The following HDAC8 variants were observed in gnomAD, a reference collection of about 807,000 sequenced individuals.
The protein encoded by HDAC8 is histone deacetylase-like 1.
HDAC8 carries 1 observed loss-of-function variant against 32.2 expected under a neutral mutation model. That is an observed-to-expected ratio of 0.03 (90% CI 0.01 to 0.15). The LOEUF (loss-of-function observed/expected upper bound fraction) is 0.15, where lower values mean the gene tolerates loss of function less well. Ranked by LOEUF, HDAC8 falls within the 10% of genes least tolerant of loss-of-function variation. HDAC8 has a pLI of 1.00. For synonymous variants in HDAC8, 108 were observed against 113.9 expected (o/e 0.95, Z 0.33); for missense variants, 117 against 300.0 (o/e 0.39, Z 4.51).
chrX:72,336,997 A>C (rs782395286), intron 10 of HDAC8, among the ~76,000 whole-genome samples: 1 of 111,693 alleles, frequency 9.0e-6, no homozygotes, highest in East Asian at 2.8e-4. Context: ...CGATCTGCCC[A>C]CCTTGGCCTC....
intron 9 of HDAC8, among the ~76,000 whole-genome samples, chrX:72,419,104 G>T (rs2046420395): frequency 9.0e-6 from 1 of 111,344 alleles, no homozygotes; most frequent in Non-Finnish European, 1.9e-5. Context: ...TTTGGTTATT[G>T]GGTTTCTTGC....
At chrX:72,438,769 G>A (rs1462434604) in intron 9 of HDAC8, among the ~76,000 whole-genome samples, 1 of 111,360 alleles carries the variant, frequency 9.0e-6, no homozygotes, top group Admixed American at 9.6e-5. Flanking sequence ...AGAGAAAAAA[G>A]ATTGAAAAGG....
chrX:72,441,547 C>G (rs1200922788), intron 9 of HDAC8, among the ~76,000 whole-genome samples: 15 of 111,569 alleles, frequency 1.3e-4, no homozygotes, highest in Non-Finnish European at 1.1e-4. Flanking sequence ...ACATCACCAT[C>G]ATCAAAGACC....
chrX:72,389,735 A>G (rs1272066208), intron 9 of HDAC8, among the ~76,000 whole-genome samples: 2 of 112,218 alleles, frequency 1.8e-5, no homozygotes, highest in Non-Finnish European at 3.8e-5. Context: ...TCTAGGAAGA[A>G]TGACTTCCTA....
At chrX:72,400,743 G>A (rs1233779607) in intron 9 of HDAC8, among the ~76,000 whole-genome samples, 1 of 111,749 alleles carries the variant, frequency 8.9e-6, no homozygotes, top group African/African-American at 3.3e-5. Flanking sequence ...GAATATTTTG[G>A]TTTCCCCTAA....
At chrX:72,545,796 G>A (rs1171914681) in intron 4 of HDAC8, among the ~76,000 whole-genome samples, 2 of 112,265 alleles carry the variant, frequency 1.8e-5, no homozygotes, top group Non-Finnish European at 3.8e-5. Flanking sequence ...ACAGGTGCCA[G>A]CACAGAACAG....
At chrX:72,434,764 TTGAGTGCTTACTA>T (rs1429234413) in intron 9 of HDAC8, among the ~76,000 whole-genome samples, 3 of 111,927 alleles carry the variant, frequency 2.7e-5, no homozygotes, top group Non-Finnish European at 5.6e-5. Context: ...CTAAAATTTA[TTGAGTGCTTACTA>T]TATGTCAGCC....
chrX:72,482,605 G>GTT, intron 7 of HDAC8, among the ~76,000 whole-genome samples: 1 of 110,633 alleles, frequency 9.0e-6, no homozygotes, highest in Non-Finnish European at 1.9e-5. Flanking sequence ...TCTATTTTGG[G>GTT]GGGGGGGATT....
At position 72,519,957 on chromosome X, in the gene HDAC8, TTGTC is replaced by T. The variant is rs1248266823; in HGVS notation, c.438-24693_438-24690del. ...ATATTTTGCCCATTTTTAAATTGGG[TTGTC>T]TGTCTATTATTCAATTGTAACAGTA... On this transcript the variant is annotated intron_variant, in intron 4 of 10. Transcript: ENST00000373573. Among the ~76,000 whole-genome samples, 7 of 112,505 alleles carry T rather than the reference TTGTC, an allele frequency of 6.2e-5. No homozygotes were observed. In the East Asian group the frequency reaches 8.3e-4, roughly 13 times the overall value.
At chrX:72,428,383 C>T (rs1344507054) in intron 9 of HDAC8, among the ~76,000 whole-genome samples, 5 of 112,395 alleles carry the variant, frequency 4.4e-5, no homozygotes, top group Non-Finnish European at 9.4e-5. Flanking sequence ...TGAGCCACCG[C>T]GCCCTGCCGA....
At chrX:72,474,125 AGAGT>A (rs1164595787) in intron 7 of HDAC8, 5 of 748,931 alleles carry the variant, frequency 6.7e-6, no homozygotes, top group Non-Finnish European at 7.9e-6. Context: ...TTGTAAAGAT[AGAGT>A]AATTAGCTAC....
At chrX:72,404,433 T>C (rs2045984824) in intron 9 of HDAC8, among the ~76,000 whole-genome samples, 1 of 111,347 alleles carries the variant, frequency 9.0e-6, no homozygotes, top group African/African-American at 3.3e-5. Context: ...TTAAATTCCA[T>C]GCTTTTTGTC....
At chrX:72,464,468 A>G (rs782508064) in intron 8 of HDAC8, 91 bp downstream of exon 8, 8 of 753,261 alleles carry the variant, frequency 1.1e-5, no homozygotes, top group South Asian at 1.1e-4. Context: ...GTATTATCCA[A>G]TGCAAGAAAG....
intron 9 of HDAC8, among the ~76,000 whole-genome samples, chrX:72,352,370 C>T (rs2044208420): frequency 9.0e-6 from 1 of 111,689 alleles, no homozygotes; most frequent in Non-Finnish European, 1.9e-5. Flanking sequence ...CCCTTAAATA[C>T]ACAGTACTTG....
intron 4 of HDAC8, among the ~76,000 whole-genome samples, chrX:72,512,174 GC>G (rs1338434722): frequency 1.8e-5 from 2 of 111,059 alleles, no homozygotes; most frequent in Admixed American, 1.9e-4. Flanking sequence ...AATATTTTTG[GC>G]CACTCCTAGA....
intron 9 of HDAC8, among the ~76,000 whole-genome samples, chrX:72,431,706 C>T (rs542457847): frequency 1.8e-5 from 2 of 111,470 alleles, no homozygotes; most frequent in Admixed American, 1.9e-4. Context: ...TTCCATGTTG[C>T]CAAATCTAAT....
chrX:72,335,909 T>TAA (rs781970503), intron 10 of HDAC8, among the ~76,000 whole-genome samples: 1 of 85,151 alleles, frequency 1.2e-5, no homozygotes, highest in Non-Finnish European at 2.3e-5. Flanking sequence ...ACACTGTCTC[T>TAA]AAAAAAAAAA....
intron 9 of HDAC8, among the ~76,000 whole-genome samples, chrX:72,445,321 G>A (rs2047348372): frequency 9.0e-6 from 1 of 110,833 alleles, no homozygotes; most frequent in African/African-American, 3.3e-5. Context: ...CATGGTACTG[G>A]TACCAAAACA....
At position 72,571,553 on chromosome X, in the gene HDAC8, C is replaced by CTT. The variant is rs782331910; in HGVS notation, c.164+502_164+503dup. 3.5e-3 allele frequency among the ~76,000 whole-genome samples: 106 copies of CTT among 30,408 alleles called. 1 individual carries two copies. Among genetic ancestry groups the CTT allele is most frequent in the Non-Finnish European group, 5.5e-3 (92 of 16,872 alleles). The allele number at this position is 30,408 out of a possible 115,157, so 26.4% of individuals were successfully genotyped here. On this transcript the variant is annotated intron_variant, in intron 2 of 10. Coordinates refer to ENST00000373573, the MANE Select transcript of HDAC8 (RefSeq NM_018486.3). ...TTCTTTTCTTTTTCTTTCTTTCTTT[C>CTT]TTTTTTTTTTTTTTTTTTTTTTTTT...
Sources: gnomAD v4.1 joint callset for allele counts (sites outside exome capture counted in the v4.1 genomes callset) on GRCh38, gnomAD v4.1.1 for gene constraint, MANE v1.5 for transcripts, NCBI Gene and HGNC (gene_info 2026-07-23, HGNC 2026-07-21) for gene names.